The following CDK15 variants were observed in gnomAD, a reference collection of about 807,000 sequenced individuals.
CDK15 encodes the protein cyclin-dependent kinase 15.
A neutral mutation model predicts 60.3 loss-of-function variants in CDK15; 62 were observed. The ratio of observed to expected loss-of-function variants is 1.03; its 90% CI spans 0.84 to 1.27. CDK15 has a LOEUF of 1.27. CDK15 is among the 50% of genes most tolerant of loss of function. The pLI is 0.00. For missense variants in CDK15, 541 were observed against 527.8 expected (o/e 1.03, Z -0.25); for synonymous variants, 194 against 195.7 (o/e 0.99, Z 0.07).
chr2:201,816,248 C>T (rs1298116972), intron 4 of CDK15, among the ~76,000 whole-genome samples: 1 of 152,040 alleles, frequency 6.6e-6, no homozygotes, highest in Non-Finnish European at 1.5e-5. Context: ...GGTAGTTTTT[C>T]AACCCGTGTC....
Position 201,806,655 on chromosome 2 carries a change from C to A in CDK15, c.-10C>A. ...TCAAGTGCGGGTTTTCTCCTTGAAC[C>A]TACAAGATTATGGGTCAAGAGCTGT... On this transcript the variant is annotated 5_prime_UTR_variant, in exon 1 of 14. Transcript: ENST00000652192. 6.3e-7 allele frequency: 1 copy of A among 1,582,238 alleles called. No individual in the cohort carries two copies. Among genetic ancestry groups the A allele is most frequent in the Non-Finnish European group, 8.5e-7 (1 of 1,169,614 alleles).
intron 10 of CDK15, among the ~76,000 whole-genome samples, chr2:201,857,575 T>C (rs1378410766): frequency 6.6e-6 from 1 of 152,148 alleles, no homozygotes; most frequent in African/African-American, 2.4e-5. Flanking sequence ...GGGGTGCTCA[T>C]TTGTGAGCCC....
At chr2:201,836,073 T>TATATATATATATTTATATATA (rs56275763) in intron 8 of CDK15, among the ~76,000 whole-genome samples, 1 of 106,684 alleles carries the variant, frequency 9.4e-6, no homozygotes, top group Non-Finnish European at 1.7e-5. Flanking sequence ...TATATTTATA[T>TATATATATATATTTATATATA]TTATATATAT....
intron 1 of CDK15, 67 bp downstream of exon 1, chr2:201,806,854 T>G (rs1695533747): frequency 3.9e-6 from 6 of 1,556,496 alleles, no homozygotes; most frequent in Non-Finnish European, 5.2e-6. Context: ...CACTCCCTTT[T>G]TGTAGCGGGA....
chr2:201,890,502 ATG>A (rs1466049967), intron 12 of CDK15, among the ~76,000 whole-genome samples: 1 of 152,148 alleles, frequency 6.6e-6, no homozygotes, highest in East Asian at 1.9e-4. Flanking sequence ...TTGTATGTGT[ATG>A]TGTGTGTATT....
At chr2:201,876,861 G>A (rs919192489) in intron 11 of CDK15, among the ~76,000 whole-genome samples, 4 of 152,118 alleles carry the variant, frequency 2.6e-5, no homozygotes, top group South Asian at 4.1e-4. Flanking sequence ...GCAGTGGTAC[G>A]ATCGTGGCTC....
intron 8 of CDK15, among the ~76,000 whole-genome samples, chr2:201,840,908 A>T (rs959861854): frequency 2.6e-5 from 4 of 152,032 alleles, no homozygotes; most frequent in African/African-American, 9.7e-5. Context: ...TGTTTCTTCC[A>T]TTTGTGAATT....
chr2:201,814,920 T>C (rs1232387444), intron 4 of CDK15, among the ~76,000 whole-genome samples: 1 of 151,740 alleles, frequency 6.6e-6, no homozygotes, highest in South Asian at 2.1e-4. Flanking sequence ...ATTATGAAAC[T>C]AGCAAAAGTA....
rs1471938345 is a variant in CDK15 at position 201,806,727 on chromosome 2, G to A, written c.63G>A (p.Glu21=). ...QPGCSCYHCS[E]GGEAHSCRRS... Reference sequence around the variant, plus strand: ...GATGCAGCTGCTACCATTGTTCAGAGGGAGGCGAGGCACACAGCTGTCGGA... The same window carrying A: ...GATGCAGCTGCTACCATTGTTCAGAAGGAGGCGAGGCACACAGCTGTCGGA... Residue 21 remains glutamate (E), a synonymous_variant, in exon 1 of 14, where the codon GAG becomes GAA. Coordinates refer to ENST00000652192, the MANE Select transcript of CDK15 (RefSeq NM_001366386.2). 1.4e-5 allele frequency: 23 copies of A among 1,598,264 alleles called. No homozygotes were observed. The highest frequency in any genetic ancestry group is 1.1e-4 in the East Asian group (5 of 44,872).
intron 9 of CDK15, among the ~76,000 whole-genome samples, chr2:201,851,277 G>C (rs1194612557): frequency 8.3e-6 from 1 of 120,666 alleles, no homozygotes; most frequent in African/African-American, 3.1e-5. Flanking sequence ...GAGCAACAGA[G>C]TGAGACTTCA....
rs144923081 is a variant in CDK15 at position 201,841,048 on chromosome 2, C to T, written c.851+5285C>T. On this transcript the variant is annotated intron_variant, in intron 8 of 13. Transcript: ENST00000652192. ...TTTCTCTTCTCTCCTTCATATTTTC[C>T]ATTTCCTTAACTTTCTGTGATGCAT... Among the ~76,000 whole-genome samples the T allele has an allele frequency of 7.0e-3, 1,070 of 152,208 alleles. 14 individuals are homozygous for T. Among genetic ancestry groups the T allele is most frequent in the African/African-American group, 0.025 (1,031 of 41,526 alleles).
chr2:201,843,638 A>G (rs1196684249), intron 8 of CDK15, among the ~76,000 whole-genome samples: 3 of 152,146 alleles, frequency 2.0e-5, no homozygotes, highest in Non-Finnish European at 4.4e-5. Flanking sequence ...TACACACACT[A>G]TATACATAGT....
rs1215336879 is a variant in CDK15 at position 201,833,831 on chromosome 2, G to T, written c.607-17G>T. 12 of 1,607,770 alleles carry T rather than the reference G, an allele frequency of 7.5e-6. No individual in the cohort carries two copies. Among genetic ancestry groups the T allele is most frequent in the Non-Finnish European group, 9.4e-6 (11 of 1,176,414 alleles). On this transcript the variant is annotated splice_polypyrimidine_tract_variant and intron_variant, in intron 6 of 13. Transcript: ENST00000652192. ...GGTGGCTCAAATCTCCTTATGGATA[G>T]TGTTTCTTCCTTCCAGCTTTTCATG...
chr2:201,848,125 AT>A (rs1697751554), intron 9 of CDK15, among the ~76,000 whole-genome samples: 1 of 151,996 alleles, frequency 6.6e-6, no homozygotes, highest in Non-Finnish European at 1.5e-5. Flanking sequence ...AAGACACAAA[AT>A]TTTCATAGAA....
intron 9 of CDK15, among the ~76,000 whole-genome samples, chr2:201,852,065 G>A (rs558506004): frequency 6.6e-6 from 1 of 152,218 alleles, no homozygotes; most frequent in African/African-American, 2.4e-5. Flanking sequence ...TTCTCCCATC[G>A]TAGGTTGTCT....
At chr2:201,815,785 G>A (rs920341889) in intron 4 of CDK15, among the ~76,000 whole-genome samples, 6 of 151,980 alleles carry the variant, frequency 3.9e-5, no homozygotes, top group African/African-American at 1.4e-4. Flanking sequence ...AATCTTTTTT[G>A]AGGACAAGGC....
In CDK15 at chr2:201,811,122, C is replaced by T. The variant is rs139355978; in HGVS notation, c.369-1361C>T. On this transcript the variant is annotated intron_variant, in intron 3 of 13. Transcript: ENST00000652192. ...CCTCCCAAAGTGCTAGGATTACAGG[C>T]ATGAGCCACTGCGCCTGGCTGAGGG... is the stretch of plus-strand genomic sequence containing the variant. Among the ~76,000 whole-genome samples the T allele has an allele frequency of 6.5e-4, 97 of 149,340 alleles. 3 individuals are homozygous for T. The East Asian group carries it at 0.019, about 29-fold the overall frequency.
chr2:201,865,889 C>CAAAAAAAAAAAA (rs1262940691), intron 10 of CDK15, among the ~76,000 whole-genome samples: 3 of 24,830 alleles, frequency 1.2e-4, no homozygotes, highest in African/African-American at 3.9e-4. Flanking sequence ...GATTCCATCT[C>CAAAAAAAAAAAA]AACAAAAAAA....
rs112414025 is a variant in CDK15 at position 201,837,303 on chromosome 2, C to CAGAGAG, written c.851+1556_851+1561dup. ...ACCCCGTCTGAAAGAAAGAAAGAAA[C>CAGAGAG]AGAGAGAGAGAGAGAGAGAGAAAGA... On this transcript the variant is annotated intron_variant, in intron 8 of 13. Coordinates refer to ENST00000652192, the MANE Select transcript of CDK15 (RefSeq NM_001366386.2). 5.8e-3 allele frequency among the ~76,000 whole-genome samples: 723 copies of CAGAGAG among 123,676 alleles called. 11 individuals are homozygous for CAGAGAG. Among genetic ancestry groups the CAGAGAG allele is most frequent in the East Asian group, 8.1e-3 (32 of 3,940 alleles). 81.1% of individuals were successfully genotyped at this position (123,676 alleles called of 152,430 possible).
Sources: allele counts gnomAD v4.1 joint callset (sites outside exome capture counted in the v4.1 genomes callset), GRCh38; gene constraint gnomAD v4.1.1; transcripts MANE v1.5; gene names NCBI Gene and HGNC (gene_info 2026-07-23, HGNC 2026-07-21).